Variants in ELN observed in about 807,000 individuals in gnomAD.
The protein encoded by ELN is tropoelastin.
Under a neutral mutation model 105.8 loss-of-function variants are expected in ELN, and 65 were observed. The ratio of observed to expected loss-of-function variants is 0.61; its 90% confidence interval spans 0.50 to 0.75. The LOEUF (loss-of-function observed/expected upper bound fraction) is 0.75, where lower values mean the gene tolerates loss of function less well. Among genes scored for constraint, ELN ranks in the 30% least tolerant of loss-of-function variants. The probability of loss-of-function intolerance (pLI) is 0.00; values close to 1 mark genes in which losing one functional copy is unlikely to be tolerated. For synonymous variants in ELN, 368 were observed against 389.2 expected, an observed-to-expected ratio of 0.95 and a Z score of 0.64; for missense variants, 882 against 969.4, an observed-to-expected ratio of 0.91 and a Z score of 1.20.
At chr7:74,045,694 GATCACACC>G in intron 10 of ELN, 1 of 345,216 alleles carries the variant, frequency 2.9e-6, no homozygotes, top group Non-Finnish European at 5.6e-6. Context: ...CGTGAGCTAT[GATCACACC>G]ACTGCACTCC....
chr7:74,060,989 G>C, intron 25 of ELN, 112 bp from the exon 26 acceptor site: 1 of 1,301,362 alleles, frequency 7.7e-7, no homozygotes, highest in East Asian at 2.3e-5. Context: ...TCAGGGCTTT[G>C]AGGAAGCAAT....
Position 74,056,443 on chromosome 7 carries a change from T to C in ELN, c.1315+8T>C. 6.2e-7 allele frequency: 1 copy of C among 1,613,470 alleles called. No homozygotes were observed. Among genetic ancestry groups the C allele is most frequent in the South Asian group, 1.1e-5 (1 of 91,054 alleles). ...CGGGAGTTGGCATTTCCCGTGAGCC[T>C]TAGTCACACCTGGGGACATGGGTTG... On this transcript the variant is annotated splice_region_variant and intron_variant, in intron 20 of 32. Coordinates refer to ENST00000252034, the MANE Select transcript of ELN (RefSeq NM_000501.4).
intron 4 of ELN, among the ~76,000 whole-genome samples, chr7:74,040,984 G>T (rs559699663): frequency 6.6e-6 from 1 of 152,286 alleles, no homozygotes; most frequent in South Asian, 2.1e-4. Context: ...GCACAGGCCT[G>T]GCCCAGGCTT....
At chr7:74,036,134 C>G (rs1789882593) in intron 2 of ELN, among the ~76,000 whole-genome samples, 1 of 151,270 alleles carries the variant, frequency 6.6e-6, no homozygotes, top group Non-Finnish European at 1.5e-5. Flanking sequence ...ACTAAAAATA[C>G]AAAAAATTAA....
Position 74,056,748 on chromosome 7 carries a change from G to T in ELN, c.1357+35G>T, listed in dbSNP as rs782667992. 5 of 1,613,220 alleles carry T rather than the reference G, an allele frequency of 3.1e-6. No homozygotes were observed. The South Asian group carries it at 5.5e-5, about 18-fold the overall frequency. On this transcript the variant is annotated intron_variant, in intron 21 of 32. Coordinates refer to ENST00000252034, the MANE Select transcript of ELN (RefSeq NM_000501.4). ...CCTGCCCTGCCTGTCCCCAAGTCCT[G>T]CTCTCCCGCGGGGCTCAGGGTCCAA...
rs1231142198 is a variant in ELN, at chr7:74,060,420, G to A, written c.1666G>A (p.Gly556Ser). Residue 556 changes from glycine (G) to serine (S), a missense_variant, in exon 25 of 33, where the codon GGT (glycine) becomes AGT (serine). By Grantham distance (56) the Gly-to-Ser change is moderately conservative. Transcript: ENST00000252034. ...LGAGIPGLGV[G>S]VGVPGLGVGA... is the part of the protein sequence containing the mutation. ...TGCTGGCATCCCTGGACTTGGAGTTGGTGTCGGCGTCCCTGGACTTGGAGT... is the reference window on the plus strand; with the variant it reads ...TGCTGGCATCCCTGGACTTGGAGTTAGTGTCGGCGTCCCTGGACTTGGAGT... The A allele has an allele frequency of 6.2e-7, 1 of 1,614,082 alleles. No homozygotes were observed. Among genetic ancestry groups the A allele is most frequent in the Non-Finnish European group, 8.5e-7 (1 of 1,180,038 alleles).
chr7:74,028,408 T>G (rs1554660265), intron 1 of ELN, 139 bp downstream of exon 1: 1 of 977,348 alleles, frequency 1.0e-6, no homozygotes, highest in Non-Finnish European at 1.5e-6. Context: ...AGCCACTGGG[T>G]CCTCGGAACT....
rs3757587 is a variant in ELN at position 74,066,698 on chromosome 7, C to T, written c.2087-34C>T. 192,701 of 1,613,298 alleles carry T rather than the reference C, an allele frequency of 0.12. 12,147 individuals carry two copies. The highest frequency in any genetic ancestry group is 0.13 in the African/African-American group (9,895 of 74,988). ...ATGAGGCTGGAGTCAGTTTCCACCC[C>T]TACCAACCCACCAACCTGAAATCTC... On this transcript the variant is annotated intron_variant, in intron 31 of 32. Transcript: ENST00000252034.
intron 19 of ELN, among the ~76,000 whole-genome samples, chr7:74,055,738 C>T (rs1371004484): frequency 6.6e-6 from 1 of 151,402 alleles, no homozygotes; most frequent in African/African-American, 2.4e-5. Context: ...CCTCGTGGAT[C>T]CCAAAGTGCT....
chr7:74,037,613 C>T, intron 3 of ELN, 94 bp from the exon 4 acceptor site: 5 of 1,547,916 alleles, frequency 3.2e-6, no homozygotes, highest in Non-Finnish European at 4.4e-6. Context: ...TGTGTGATTC[C>T]ACACTGCCCA....
intron 5 of ELN, among the ~76,000 whole-genome samples, chr7:74,042,405 G>A (rs1554669003): frequency 2.1e-4 from 32 of 151,576 alleles, no homozygotes; most frequent in Non-Finnish European, 2.9e-5. Flanking sequence ...TCCAGCCTGG[G>A]TGACAGAGTG....
chr7:74,056,721 C>T lies in ELN; in HGVS notation c.1357+8C>T. The T allele has an allele frequency of 1.2e-6, 2 of 1,613,730 alleles. No homozygotes were observed. The highest frequency in any genetic ancestry group is 3.3e-5 in the Admixed American group (2 of 60,016). ...CCAAGGCTGCCAAGTACGGTAAGTG[C>T]CCCTGCCCTGCCTGTCCCCAAGTCC... On this transcript the variant is annotated splice_region_variant and intron_variant, in intron 21 of 32. Coordinates refer to ENST00000252034, the MANE Select transcript of ELN (RefSeq NM_000501.4).
chr7:74,042,593 A>C (rs1584536845), intron 5 of ELN, 21 bp from the exon 6 acceptor site: 1 of 1,610,944 alleles, frequency 6.2e-7, no homozygotes, highest in Non-Finnish European at 8.5e-7. Flanking sequence ...TCAGGACCTC[A>C]CCCCATCCTC....
chr7:74,035,217 C>A, intron 1 of ELN, 147 bp from the exon 2 acceptor site: 1 of 785,052 alleles, frequency 1.3e-6, no homozygotes, highest in Non-Finnish European at 2.2e-6. Flanking sequence ...TGGAGACAAG[C>A]AATGTCATTA....
At position 74,056,347 on chromosome 7, in the gene ELN, CGGAGTCGGAGGTATCCCT is replaced by C; in HGVS notation, c.1235_1252del (p.Gly412_Val417del). On this transcript the variant is annotated inframe_deletion, in exon 20 of 33. Transcript: ENST00000252034. ...CTGGGGGCTTTCCCGGCTTTGGTGTCGGAGTCGGAGGTATCCCTGGAGTCGCAGGTGTCCCTGGTGTCG... is the reference window on the plus strand; with the variant it reads ...CTGGGGGCTTTCCCGGCTTTGGTGTCGGAGTCGCAGGTGTCCCTGGTGTCG... 6.2e-7 allele frequency: 1 copy of C among 1,613,516 alleles called. No individual in the cohort carries two copies.
chr7:74,054,510 G>A (rs1285517929), intron 18 of ELN, among the ~76,000 whole-genome samples: 2 of 151,910 alleles, frequency 1.3e-5, no homozygotes, highest in African/African-American at 4.8e-5. Context: ...TATAGAGGTG[G>A]GTCATTAGGT....
In ELN at chr7:74,065,475, G is replaced by A. The variant is rs190635617; in HGVS notation, c.1994-219G>A. On this transcript the variant is annotated intron_variant, in intron 29 of 32. Coordinates refer to ENST00000252034, the MANE Select transcript of ELN (RefSeq NM_000501.4). ...CTAAAAATACAAAAATTAGCCAGGC[G>A]TGGTGGTGGGTGCCTGTAATCCCAG... Among the ~76,000 whole-genome samples the A allele has an allele frequency of 4.9e-4, 74 of 152,060 alleles. 1 individual carries two copies. The highest frequency in any genetic ancestry group is 1.7e-3 in the African/African-American group (70 of 41,486).
chr7:74,048,037 G>T lies in ELN; in HGVS notation c.686-105G>T. 2.9e-6 allele frequency: 4 copies of T among 1,385,654 alleles called. No homozygotes were observed. In the Admixed American group the frequency reaches 6.7e-5, roughly 23 times the overall value. The allele number at this position is 1,385,654 out of a possible 1,614,324, so 85.8% of individuals were successfully genotyped here. On this transcript the variant is annotated intron_variant, in intron 13 of 32. Transcript: ENST00000252034. The stretch of plus-strand genomic sequence containing the variant: ...TTTTCACTCTGGCTGGGGGTGACAG[G>T]TGCAGACTCAGGACAGCTTGGGCCC...
chr7:74,064,284 A>G (rs561128043), intron 29 of ELN, among the ~76,000 whole-genome samples: 2,116 of 151,794 alleles, frequency 0.014, 49 homozygotes, highest in African/African-American at 0.047. Flanking sequence ...GCGTGGTGGC[A>G]GACGCCTGTA....
Sources: allele counts gnomAD v4.1 joint callset (sites outside exome capture counted in the v4.1 genomes callset), GRCh38; gene constraint gnomAD v4.1.1; transcripts MANE v1.5; gene names NCBI Gene and HGNC (gene_info 2026-07-23, HGNC 2026-07-21).